The following GUCY1A2 variants were observed in gnomAD, a reference collection of about 807,000 sequenced individuals.
GUCY1A2 encodes the protein guanylate cyclase 1 soluble subunit alpha 2, also known as guanylate cyclase soluble subunit alpha-2.
GUCY1A2 carries 27 observed loss-of-function variants against 63.5 expected under a neutral mutation model. That is an observed-to-expected ratio of 0.43 (90% confidence interval 0.31 to 0.59). The LOEUF is 0.59. Among genes scored for constraint, GUCY1A2 ranks in the 20% least tolerant of loss-of-function variants. The pLI, the probability that GUCY1A2 is intolerant of heterozygous loss-of-function variation, is 0.11. For synonymous variants in GUCY1A2, 364 were observed against 343.5 expected, an observed-to-expected ratio of 1.06 and a Z score of -0.66; for missense variants, 768 against 913.3, an observed-to-expected ratio of 0.84 and a Z score of 2.05.
chr11:106,797,917 A>G (rs941816795), intron 5 of GUCY1A2, among the ~76,000 whole-genome samples: 21 of 152,180 alleles, frequency 1.4e-4, no homozygotes, highest in Non-Finnish European at 2.9e-4. Context: ...AACTAAAATC[A>G]GAGCAGAACT....
At chr11:106,925,143 G>A (rs564877795) in intron 4 of GUCY1A2, among the ~76,000 whole-genome samples, 1 of 151,820 alleles carries the variant, frequency 6.6e-6, no homozygotes, top group Non-Finnish European at 1.5e-5. Context: ...TTAAAATCCT[G>A]AAAAAGTTTT....
chr11:106,997,057 T>C (rs1228226906), intron 1 of GUCY1A2, among the ~76,000 whole-genome samples: 1 of 152,178 alleles, frequency 6.6e-6, no homozygotes, highest in Non-Finnish European at 1.5e-5. Flanking sequence ...ATAAAAAGTC[T>C]TTTTTAGTTT....
rs1862380993 is a variant in GUCY1A2 at position 106,678,413 on chromosome 11, G to A, written c.*9136C>T. Reference sequence around the variant, plus strand: ...TTTTATGGAAGTTTTAATTTAAAAGGCCAAAAAAGGAGACAGCCTTTCAAG... The same window carrying A: ...TTTTATGGAAGTTTTAATTTAAAAGACCAAAAAAGGAGACAGCCTTTCAAG... On this transcript the variant is annotated 3_prime_UTR_variant, in exon 8 of 8. Transcript: ENST00000526355. 1 of 210,958 alleles carries A rather than the reference G, an allele frequency of 4.7e-6. No individual in the cohort carries two copies. The highest frequency in any genetic ancestry group is 9.6e-6 in the Non-Finnish European group (1 of 104,034). 13.1% of individuals were successfully genotyped at this position (210,958 alleles called of 1,614,324 possible). A position where few individuals can be genotyped will look rare whatever the true frequency, so the allele number is the denominator to read the frequency against.
At chr11:106,695,525 T>G (rs1295523549) in intron 7 of GUCY1A2, among the ~76,000 whole-genome samples, 1 of 152,212 alleles carries the variant, frequency 6.6e-6, no homozygotes, top group Non-Finnish European at 1.5e-5. Flanking sequence ...TATGTTTTCC[T>G]AAGTGTTGTA....
chr11:106,829,330 T>C (rs1482790314), intron 4 of GUCY1A2, among the ~76,000 whole-genome samples: 1 of 152,154 alleles, frequency 6.6e-6, no homozygotes, highest in Non-Finnish European at 1.5e-5. Context: ...CCTGTCTCAC[T>C]CAGTATTCTT....
chr11:106,983,267 C>G (rs1262161163), intron 2 of GUCY1A2, among the ~76,000 whole-genome samples: 1 of 152,052 alleles, frequency 6.6e-6, no homozygotes, highest in Admixed American at 6.6e-5. Flanking sequence ...TATTTTAGCA[C>G]TCATTTCCCC....
chr11:106,895,207 G>A (rs1008819909), intron 4 of GUCY1A2, among the ~76,000 whole-genome samples: 1 of 152,098 alleles, frequency 6.6e-6, no homozygotes, highest in African/African-American at 2.4e-5. Context: ...AATCTGTAAA[G>A]CTCTATATCT....
At chr11:106,734,437 A>C (rs891329300) in intron 6 of GUCY1A2, among the ~76,000 whole-genome samples, 3 of 152,164 alleles carry the variant, frequency 2.0e-5, no homozygotes, top group Non-Finnish European at 4.4e-5. Flanking sequence ...GGTTTGAAAA[A>C]AATAAATGTA....
In GUCY1A2 at chr11:106,674,820, C is replaced by G. The variant is rs1223680192; in HGVS notation, c.*12729G>C. ...AATTAGCCAAAATGTTAAAATAATT[C>G]AGGTTAAATGAAAACCACCCCATGC... On this transcript the variant is annotated 3_prime_UTR_variant, in exon 8 of 8. Coordinates refer to ENST00000526355, the MANE Select transcript of GUCY1A2 (RefSeq NM_000855.3). The G allele has an allele frequency of 3.7e-5, 8 of 215,462 alleles. No homozygotes were observed. The East Asian group carries it at 5.5e-4, about 15-fold the overall frequency. 13.3% of individuals were successfully genotyped at this position (215,462 alleles called of 1,614,324 possible).
At chr11:106,760,768 G>T (rs1274248311) in intron 6 of GUCY1A2, among the ~76,000 whole-genome samples, 1 of 151,962 alleles carries the variant, frequency 6.6e-6, no homozygotes, top group Non-Finnish European at 1.5e-5. Context: ...CAAATAACTG[G>T]CCCATCATTT....
At chr11:106,897,479 G>A (rs1430010929) in intron 4 of GUCY1A2, among the ~76,000 whole-genome samples, 1 of 151,690 alleles carries the variant, frequency 6.6e-6, no homozygotes, top group African/African-American at 2.4e-5. Flanking sequence ...AAAATAGAGT[G>A]GTATTTGCAA....
At chr11:106,850,060 C>T (rs1324021761) in intron 4 of GUCY1A2, among the ~76,000 whole-genome samples, 1 of 151,646 alleles carries the variant, frequency 6.6e-6, no homozygotes, top group Non-Finnish European at 1.5e-5. Flanking sequence ...TCCCTCCCTG[C>T]GTCAGTCATA....
intron 3 of GUCY1A2, 131 bp downstream of exon 3, chr11:106,978,488 C>A (rs899570671): frequency 7.1e-6 from 4 of 565,952 alleles, no homozygotes; most frequent in Middle Eastern, 4.7e-4. Context: ...ACACCCATCA[C>A]TTCACAAGGT....
chr11:106,930,602 T>C (rs1194762483), intron 4 of GUCY1A2, among the ~76,000 whole-genome samples: 1 of 152,222 alleles, frequency 6.6e-6, no homozygotes, highest in Non-Finnish European at 1.5e-5. Context: ...AGAAAGATGC[T>C]GTAGCTTAAG....
At chr11:106,734,932 G>T (rs1426070444) in intron 6 of GUCY1A2, among the ~76,000 whole-genome samples, 1 of 151,994 alleles carries the variant, frequency 6.6e-6, no homozygotes, top group Admixed American at 6.6e-5. Context: ...GGAAAAAGGT[G>T]TGTTTTAGAA....
intron 1 of GUCY1A2, 124 bp downstream of exon 1, chr11:107,017,629 G>A (rs1861841670): frequency 4.4e-6 from 2 of 453,390 alleles, no homozygotes; most frequent in African/African-American, 2.1e-5. Flanking sequence ...AGGCCGTGCA[G>A]GGTAAGGCCG....
intron 7 of GUCY1A2, 134 bp from the exon 8 acceptor site, chr11:106,687,890 G>A (rs1235628087): frequency 9.7e-6 from 6 of 619,594 alleles, no homozygotes; most frequent in Non-Finnish European, 1.7e-5. Context: ...TATAGATGTG[G>A]CCTTCATCAG....
intron 4 of GUCY1A2, chr11:106,936,567 A>G: frequency 1.4e-6 from 1 of 703,928 alleles, no homozygotes; most frequent in Non-Finnish European, 2.4e-6. Context: ...TGAGGCATGG[A>G]TGATCACTTA....
chr11:107,012,254 T>C (rs1260110439), intron 1 of GUCY1A2, among the ~76,000 whole-genome samples: 1 of 102,086 alleles, frequency 9.8e-6, no homozygotes, highest in Non-Finnish European at 1.9e-5. Context: ...ACAGTGCTTC[T>C]TATTACTTTT....
Sources: gnomAD v4.1 joint callset for allele counts (sites outside exome capture counted in the v4.1 genomes callset) on GRCh38, gnomAD v4.1.1 for gene constraint, MANE v1.5 for transcripts, NCBI Gene and HGNC (gene_info 2026-07-23, HGNC 2026-07-21) for gene names.